The following ZNF99 variants were observed in gnomAD, a reference collection of about 807,000 sequenced individuals.
The protein encoded by ZNF99 is zinc finger protein 99, also known as zinc finger protein ENSP00000375192.
ZNF99 carries 8 observed loss-of-function variants against 12.8 expected under a neutral mutation model. The observed-to-expected ratio is 0.62, with a 90% CI of 0.37 to 1.13. The LOEUF (loss-of-function observed/expected upper bound fraction) is 1.13, where lower values mean the gene tolerates loss of function less well. ZNF99 is among the 50% of genes most tolerant of loss of function. ZNF99 has a pLI of 0.02. For missense variants in ZNF99, 1,007 were observed against 1,006.2 expected, an observed-to-expected ratio of 1.00 and a Z score of -0.01; for synonymous variants, 318 against 319.0, an observed-to-expected ratio of 1.00 and a Z score of 0.03.
chr19:22,767,107 C>CAAAAA (rs35316902), intron 3 of ZNF99, among the ~76,000 whole-genome samples: 1 of 81,740 alleles, frequency 1.2e-5, no homozygotes, highest in African/African-American at 3.7e-5. Context: ...CTGTCTCTAC[C>CAAAAA]AAAAAAAAAA....
rs1973061758 is a variant in ZNF99 at position 22,756,652 on chromosome 19, T to C, written c.*662A>G. Reference sequence around the variant, plus strand: ...TTTCTCCCCAGTATGAATTATCTTATGTTTCATAAGGGTCGAGAAATTGTT... The same window carrying C: ...TTTCTCCCCAGTATGAATTATCTTACGTTTCATAAGGGTCGAGAAATTGTT... On this transcript the variant is annotated 3_prime_UTR_variant, in exon 4 of 4. Coordinates refer to ENST00000596209, the MANE Select transcript of ZNF99 (RefSeq NM_001080409.3). 1 of 1,582,486 alleles carries C rather than the reference T, an allele frequency of 6.3e-7. No homozygotes were observed. The highest frequency in any genetic ancestry group is 8.6e-7 in the Non-Finnish European group (1 of 1,165,716).
intron 1 of ZNF99, chr19:22,774,271 C>A (rs1973302012): frequency 6.5e-6 from 1 of 152,680 alleles, no homozygotes; most frequent in Admixed American, 6.5e-5. Flanking sequence ...CTACTCTCAG[C>A]ATGAGAAACA....
intron 1 of ZNF99, among the ~76,000 whole-genome samples, chr19:22,771,890 G>A (rs1168923999): frequency 7.4e-6 from 1 of 136,040 alleles, no homozygotes; most frequent in Non-Finnish European, 1.6e-5. Context: ...GCTAATTTTT[G>A]TATTTTTAGT....
At chr19:22,768,469 A>C (rs1973229249) in intron 2 of ZNF99, 69 bp from the exon 3 acceptor site, 1 of 1,288,184 alleles carries the variant, frequency 7.8e-7, no homozygotes, top group Non-Finnish European at 1.1e-6. Context: ...ATTAAAGAGA[A>C]TGTAATAGAA....
Position 22,752,863 on chromosome 19 carries a change from CA to C in ZNF99, c.*4450del, listed in dbSNP as rs1477395467. The C allele has an allele frequency of 6.6e-6, 1 of 152,016 alleles. No homozygotes were observed. The highest frequency in any genetic ancestry group is 1.5e-5 in the Non-Finnish European group (1 of 67,944). 9.4% of individuals were successfully genotyped at this position (152,016 alleles called of 1,614,324 possible). ...AAAATGTTTTTCTCACTATAATGCA[CA>C]AAAATATATTCCTCAGAACACCTAC... On this transcript the variant is annotated 3_prime_UTR_variant, in exon 4 of 4. Transcript: ENST00000596209.
intron 1 of ZNF99, among the ~76,000 whole-genome samples, chr19:22,775,681 G>C (rs1459383522): frequency 6.6e-6 from 1 of 152,182 alleles, no homozygotes; most frequent in Non-Finnish European, 1.5e-5. Context: ...CTAGTATCTA[G>C]AATCCATAAA....
chr19:22,765,677 A>G, intron 3 of ZNF99, among the ~76,000 whole-genome samples: 1 of 147,440 alleles, frequency 6.8e-6, no homozygotes, highest in Non-Finnish European at 1.5e-5. Context: ...CACCACTAGC[A>G]CAGTTAAAAA....
chr19:22,762,638 G>A (rs1973163015), intron 3 of ZNF99, among the ~76,000 whole-genome samples: 1 of 151,602 alleles, frequency 6.6e-6, no homozygotes, highest in Admixed American at 6.6e-5. Context: ...TTCATTCTAT[G>A]AAGCCAGCAT....
In ZNF99 at chr19:22,753,878, T is replaced by C; in HGVS notation, c.*3436A>G. ...ACATTCTTCATAGTTTTCTCTAGGA[T>C]AAATTAGCTTATACTCAAGTGTGAC... On this transcript the variant is annotated 3_prime_UTR_variant, in exon 4 of 4. Transcript: ENST00000596209. 6 of 310,256 alleles carry C rather than the reference T, an allele frequency of 1.9e-5. No homozygotes were observed. Among genetic ancestry groups the C allele is most frequent in the South Asian group, 1.4e-4 (5 of 35,274 alleles). 19.2% of individuals were successfully genotyped at this position (310,256 alleles called of 1,614,324 possible).
At chr19:22,776,353 T>C (rs1390006480) in intron 1 of ZNF99, among the ~76,000 whole-genome samples, 1 of 70,416 alleles carries the variant, frequency 1.4e-5, no homozygotes, top group East Asian at 4.1e-4. Context: ...TTCATCTCAA[T>C]TAAAAAAAAA....
At chr19:22,761,289 A>G (rs2145145717) in intron 3 of ZNF99, among the ~76,000 whole-genome samples, 1 of 152,284 alleles carries the variant, frequency 6.6e-6, no homozygotes, top group South Asian at 2.1e-4. Flanking sequence ...CTATTCACCT[A>G]AGCCAGAGAA....
chr19:22,782,790 C>T (rs1973403882), intron 1 of ZNF99, among the ~76,000 whole-genome samples: 2 of 151,094 alleles, frequency 1.3e-5, no homozygotes, highest in South Asian at 4.2e-4. Flanking sequence ...TCTGCCTCAG[C>T]CTCCCGAGAA....
At chr19:22,777,729 C>T (rs1329480781) in intron 1 of ZNF99, among the ~76,000 whole-genome samples, 1 of 152,004 alleles carries the variant, frequency 6.6e-6, no homozygotes, top group East Asian at 1.9e-4. Context: ...GATTCAGTGT[C>T]TGGGGTTGGG....
intron 1 of ZNF99, 127 bp from the exon 2 acceptor site, chr19:22,769,451 T>C (rs1379255919): frequency 9.8e-6 from 10 of 1,020,116 alleles, no homozygotes; most frequent in Non-Finnish European, 1.2e-5. Context: ...ACTGAACGTA[T>C]TCAGTAAAAT....
chr19:22,765,551 C>T (rs780413785), intron 3 of ZNF99, among the ~76,000 whole-genome samples: 14 of 151,544 alleles, frequency 9.2e-5, no homozygotes, highest in South Asian at 2.1e-4. Flanking sequence ...AAGAGCTTTC[C>T]AAATTTTGAT....
At chr19:22,769,084 C>A in intron 2 of ZNF99, 114 bp downstream of exon 2, 3 of 1,077,282 alleles carry the variant, frequency 2.8e-6, no homozygotes, top group East Asian at 3.3e-5. Context: ...TTTCAGAAAA[C>A]GGGTATCTGA....
At chr19:22,775,795 C>T (rs545506354) in intron 1 of ZNF99, among the ~76,000 whole-genome samples, 8 of 152,100 alleles carry the variant, frequency 5.3e-5, no homozygotes, top group East Asian at 1.9e-4. Context: ...GAGGCTGAGG[C>T]GGGTGGATCA....
Position 22,784,036 on chromosome 19 carries a change from C to T in ZNF99, c.-20G>A. 6.2e-7 allele frequency: 1 copy of T among 1,613,676 alleles called. No individual in the cohort carries two copies. The highest frequency in any genetic ancestry group is 1.1e-5 in the South Asian group (1 of 91,054). On this transcript the variant is annotated 5_prime_UTR_variant, in exon 1 of 4. Transcript: ENST00000596209. Reference sequence around the variant, plus strand: ...CACCATTTCTAAGCTTCCAGGGGGTCCTGGCGTCCTAGCTGTGGATCTCCA... The same window carrying T: ...CACCATTTCTAAGCTTCCAGGGGGTTCTGGCGTCCTAGCTGTGGATCTCCA...
Position 22,758,188 on chromosome 19 carries a change from A to G in ZNF99, c.1721T>C (p.Phe574Ser). The stretch of plus-strand genomic sequence containing the variant: ...TCTAGTAAGATGTGAAGATTGCTTA[A>G]AAGCTTTGCCACATTCTTCACATTT... ...PYKCEECGKAFKQSSHLTRHK... is the reference protein window; with the variant it reads ...PYKCEECGKASKQSSHLTRHK... Residue 574 changes from phenylalanine (F) to serine (S), a missense_variant, in exon 4 of 4, where the codon TTT becomes TCT. Physicochemically the swap from Phe to Ser is radical, Grantham distance 155. Coordinates refer to ENST00000596209, the MANE Select transcript of ZNF99 (RefSeq NM_001080409.3). The G allele has an allele frequency of 6.2e-7, 1 of 1,613,732 alleles. No homozygotes were observed. The highest frequency in any genetic ancestry group is 8.5e-7 in the Non-Finnish European group (1 of 1,179,840).
Sources: allele counts gnomAD v4.1 joint callset (sites outside exome capture counted in the v4.1 genomes callset), GRCh38; gene constraint gnomAD v4.1.1; transcripts MANE v1.5; gene names NCBI Gene and HGNC (gene_info 2026-07-23, HGNC 2026-07-21).